The following DHX35 variants were observed in gnomAD, a reference collection of about 807,000 sequenced individuals.
DHX35 encodes the protein DEAH-box helicase 35.
In DHX35, 84 loss-of-function variants were observed where a neutral mutation model predicts 99.6. The ratio of observed to expected loss-of-function variants is 0.84; its 90% CI spans 0.71 to 1.01. DHX35 has a LOEUF of 1.01. Ranked by LOEUF, DHX35 falls within the 50% of genes least tolerant of loss-of-function variation. The pLI, the probability that DHX35 is intolerant of heterozygous loss-of-function variation, is 0.00. For synonymous variants in DHX35, 331 were observed against 316.2 expected, an observed-to-expected ratio of 1.05 and a Z score of -0.50; for missense variants, 852 against 888.5, an observed-to-expected ratio of 0.96 and a Z score of 0.52.
chr20:39,017,192 C>CT (rs2086800046), intron 14 of DHX35, among the ~76,000 whole-genome samples: 1 of 151,966 alleles, frequency 6.6e-6, no homozygotes, highest in African/African-American at 2.4e-5. Context: ...TTTTAAGTTA[C>CT]TTTTTTGGTA....
Position 39,025,458 on chromosome 20 carries a change from G to A in DHX35, c.1801+99G>A, listed in dbSNP as rs186288754. ...CTGGGCTGGTGCGAGGCAGTGTGGC[G>A]TGCTCTGTACCAACACTGGGTTTTA... On this transcript the variant is annotated intron_variant, in intron 18 of 21. Coordinates refer to ENST00000252011, the MANE Select transcript of DHX35 (RefSeq NM_021931.4). The A allele has an allele frequency of 2.8e-5, 40 of 1,446,778 alleles. No individual in the cohort carries two copies. The East Asian group carries it at 3.8e-4, about 14-fold the overall frequency. 89.6% of individuals were successfully genotyped at this position (1,446,778 alleles called of 1,614,324 possible).
At chr20:39,010,152 C>G (rs961642136) in intron 12 of DHX35, 128 bp from the exon 13 acceptor site, 3 of 1,198,878 alleles carry the variant, frequency 2.5e-6, no homozygotes, top group African/African-American at 3.1e-5. Context: ...ATCATGGTAT[C>G]ATGTGCATCT....
At chr20:39,030,612 A>G in intron 19 of DHX35, 92 bp from the exon 20 acceptor site, 2 of 1,228,264 alleles carry the variant, frequency 1.6e-6, no homozygotes, top group South Asian at 2.5e-5. Flanking sequence ...TTCAGTCTGC[A>G]TGCTTTTTTG....
rs1454504677 is a variant in DHX35, at chr20:39,006,314, G to A, written c.1180G>A (p.Gly394Ser). 2 of 1,614,028 alleles carry A rather than the reference G, an allele frequency of 1.2e-6. No individual in the cohort carries two copies. The highest frequency in any genetic ancestry group is 1.7e-6 in the Non-Finnish European group (2 of 1,180,034). The change falls in exon 12 of 22, where the codon GGT becomes AGT. Residue 394 changes from glycine (G) to serine (S), a missense_variant. Gly to Ser is a moderately conservative substitution (Grantham distance 56). Transcript: ENST00000252011. ...QASANQRAGR[G>S]GRSRSGKCYR... ...ATCAGCTAATCAGCGAGCAGGACGT[G>A]GTGGTCGTAGTCGCTCGGGAAAATG...
At chr20:38,976,338 G>C (rs929035876) in intron 3 of DHX35, among the ~76,000 whole-genome samples, 2 of 147,850 alleles carry the variant, frequency 1.4e-5, no homozygotes, top group African/African-American at 2.5e-5. Context: ...AGAAGTGTCT[G>C]TGTGTGTGTG....
In DHX35 at chr20:39,010,949, A is replaced by G. The variant is rs191104699; in HGVS notation, c.1347+545A>G. ...TGTTACATGGCCAGATTGCTTTACC[A>G]ATGTCAACTCTAGCAGTGCCTGAAT... On this transcript the variant is annotated intron_variant, in intron 13 of 21. Transcript: ENST00000252011. 2.1e-3 allele frequency among the ~76,000 whole-genome samples: 326 copies of G among 152,228 alleles called. 1 individual carries two copies. Among genetic ancestry groups the G allele is most frequent in the African/African-American group, 7.6e-3 (314 of 41,544 alleles).
Position 39,018,873 on chromosome 20 carries a change from T to C in DHX35, c.1472T>C (p.Met491Thr), listed in dbSNP as rs868486884. Residue 491 changes from methionine to threonine, a missense_variant, in exon 15 of 22, where the codon ATG (methionine) becomes ACG (threonine). Transcript: ENST00000252011. ...MRIAEFPLNPMFAKMLLESGN... is the reference protein window; with the variant it reads ...MRIAEFPLNPTFAKMLLESGN... ...ATTGCAGAGTTTCCTTTGAATCCCATGTTTGCCAAAATGCTGCTTGAATCA... is the reference window on the plus strand; with the variant it reads ...ATTGCAGAGTTTCCTTTGAATCCCACGTTTGCCAAAATGCTGCTTGAATCA... 6.2e-7 allele frequency: 1 copy of C among 1,614,094 alleles called. No individual in the cohort carries two copies. The highest frequency in any genetic ancestry group is 1.7e-4 in the Middle Eastern group (1 of 6,060).
rs374594662 is a variant in DHX35 at position 38,974,649 on chromosome 20, G to A, written c.267+1998G>A. Among the ~76,000 whole-genome samples, 5 of 152,312 alleles carry A rather than the reference G, an allele frequency of 3.3e-5. No homozygotes were observed. The South Asian group carries it at 6.2e-4, about 19-fold the overall frequency. On this transcript the variant is annotated intron_variant, in intron 3 of 21. Coordinates refer to ENST00000252011, the MANE Select transcript of DHX35 (RefSeq NM_021931.4). Reference sequence around the variant, plus strand: ...AGCTTGGCAGAGGTCAGACGTAGAAGGTGTGGACATAGGGATTGAACATCC... The same window carrying A: ...AGCTTGGCAGAGGTCAGACGTAGAAAGTGTGGACATAGGGATTGAACATCC...
intron 21 of DHX35, 110 bp downstream of exon 21, chr20:39,034,427 T>C: frequency 1.2e-6 from 1 of 850,842 alleles, no homozygotes; most frequent in Admixed American, 2.1e-5. Flanking sequence ...CCCCTAGGGG[T>C]GCATAGGGTG....
chr20:39,021,522 G>T (rs1430690275), intron 15 of DHX35, among the ~76,000 whole-genome samples: 2 of 152,064 alleles, frequency 1.3e-5, no homozygotes, highest in Non-Finnish European at 2.9e-5. Context: ...CTGAGAGAGG[G>T]TCTTGTGCTG....
At chr20:39,028,005 G>A (rs933440348) in intron 18 of DHX35, among the ~76,000 whole-genome samples, 2 of 152,150 alleles carry the variant, frequency 1.3e-5, no homozygotes, top group Admixed American at 1.3e-4. Context: ...CAGAAGTAAC[G>A]TTGTATACTA....
chr20:39,034,158 T>G (rs765343410), intron 20 of DHX35, 48 bp from the exon 21 acceptor site: 2 of 1,395,630 alleles, frequency 1.4e-6, no homozygotes, highest in Middle Eastern at 1.8e-4. Context: ...GGTTCCTGAC[T>G]GTCATCACAA....
At chr20:39,005,496 A>G (rs1228098729) in intron 11 of DHX35, among the ~76,000 whole-genome samples, 1 of 152,232 alleles carries the variant, frequency 6.6e-6, no homozygotes, top group Non-Finnish European at 1.5e-5. Flanking sequence ...AGCATGCCCT[A>G]TTATTACAAT....
intron 11 of DHX35, among the ~76,000 whole-genome samples, chr20:39,005,155 TA>T (rs1388003333): frequency 1.3e-5 from 2 of 152,210 alleles, no homozygotes; most frequent in African/African-American, 2.4e-5. Context: ...ATAATTTTTA[TA>T]AAATGATTTA....
intron 21 of DHX35, among the ~76,000 whole-genome samples, chr20:39,034,965 G>T (rs1340831307): frequency 1.3e-5 from 2 of 152,072 alleles, no homozygotes; most frequent in African/African-American, 4.8e-5. Flanking sequence ...TCACTATGTT[G>T]CCCAGGCTAG....
chr20:38,990,883 G>T (rs563874990), intron 5 of DHX35, among the ~76,000 whole-genome samples: 1 of 152,276 alleles, frequency 6.6e-6, no homozygotes, highest in South Asian at 2.1e-4. Context: ...TTTTACAAAT[G>T]AGCAATCAGG....
In DHX35 at chr20:39,003,858, C is replaced by T. The variant is rs1568739776; in HGVS notation, c.962C>T (p.Ser321Phe). ...RVLPMYAGLPSFEQMKVFERV... is the reference protein window; with the variant it reads ...RVLPMYAGLPFFEQMKVFERV... ...CTCCCCATGTATGCAGGACTGCCTT[C>T]CTTTGAGCAAATGAAAGTGTTTGAA... The change falls in exon 11 of 22, where the codon TCC becomes TTC. Residue 321 changes from serine (S) to phenylalanine (F), a missense_variant. Ser to Phe is a radical substitution (Grantham distance 155). Coordinates refer to ENST00000252011, the MANE Select transcript of DHX35 (RefSeq NM_021931.4). 6.2e-7 allele frequency: 1 copy of T among 1,614,184 alleles called. No individual in the cohort carries two copies. The highest frequency in any genetic ancestry group is 8.5e-7 in the Non-Finnish European group (1 of 1,180,036).
intron 21 of DHX35, among the ~76,000 whole-genome samples, chr20:39,036,043 A>G (rs1253582190): frequency 6.6e-6 from 1 of 152,236 alleles, no homozygotes; most frequent in African/African-American, 2.4e-5. Context: ...TCAGGTGGAA[A>G]GCAGCAGACT....
At chr20:38,979,434 C>A (rs575922709) in intron 3 of DHX35, among the ~76,000 whole-genome samples, 3 of 152,252 alleles carry the variant, frequency 2.0e-5, no homozygotes, top group African/African-American at 7.2e-5. Context: ...AATACATTTA[C>A]ATAGTACAAA....
Sources: allele counts gnomAD v4.1 joint callset (sites outside exome capture counted in the v4.1 genomes callset), GRCh38; gene constraint gnomAD v4.1.1; transcripts MANE v1.5; gene names NCBI Gene and HGNC (gene_info 2026-07-23, HGNC 2026-07-21).